Variants in NCBP2 observed in about 807,000 individuals in gnomAD.
NCBP2 encodes nuclear cap-binding protein subunit 2.
In NCBP2, 8 loss-of-function variants were observed where a neutral mutation model predicts 21.5. That is an observed-to-expected ratio of 0.37 (90% CI 0.22 to 0.67). The LOEUF is 0.67. Among genes scored for constraint, NCBP2 ranks in the 30% least tolerant of loss-of-function variants. The pLI is 0.56. For missense variants in NCBP2, 127 were observed against 206.9 expected (o/e 0.61, Z 2.37); for synonymous variants, 92 against 75.8 (o/e 1.21, Z -1.11).
At chr3:196,937,423 A>G (rs1716314977) in intron 3 of NCBP2, 87 bp downstream of exon 3, 3 of 1,555,764 alleles carry the variant, frequency 1.9e-6, no homozygotes, top group Admixed American at 3.7e-5. Flanking sequence ...AGTTATTTAC[A>G]AAAGAGTAAA....
chr3:196,942,222 T>C, intron 1 of NCBP2: 1 of 1,460,946 alleles, frequency 6.8e-7, no homozygotes, highest in Non-Finnish European at 9.0e-7. Context: ...GAGCCTCCAG[T>C]TCCCCGTCTT....
At chr3:196,941,558 G>A (rs1716567710) in intron 1 of NCBP2, 1 of 320,130 alleles carries the variant, frequency 3.1e-6, no homozygotes, top group Non-Finnish European at 5.8e-6. Context: ...CTCACTACAG[G>A]GGATTATGAG....
At chr3:196,940,780 G>C (rs988915659) in intron 1 of NCBP2, among the ~76,000 whole-genome samples, 2 of 152,224 alleles carry the variant, frequency 1.3e-5, no homozygotes, top group African/African-American at 4.8e-5. Context: ...ACTGTCTAAA[G>C]TAGTAACTAA....
At position 196,936,307 on chromosome 3, in the gene NCBP2, C is replaced by T. The variant is rs1716259314; in HGVS notation, c.*704G>A. 6.6e-6 allele frequency: 1 copy of T among 152,286 alleles called. No homozygotes were observed. 9.4% of individuals were successfully genotyped at this position (152,286 alleles called of 1,614,324 possible). A position where few individuals can be genotyped will look rare whatever the true frequency, so the allele number is the denominator to read the frequency against. ...TGTCCTGTGGAGATTGCTTTTGCAC[C>T]AACTACACAGGAAGGTCCTTGACCT... On this transcript the variant is annotated 3_prime_UTR_variant, in exon 4 of 4. Transcript: ENST00000321256.
At chr3:196,937,784 G>A in intron 2 of NCBP2, 136 bp from the exon 3 acceptor site, 3 of 1,058,032 alleles carry the variant, frequency 2.8e-6, no homozygotes, top group Non-Finnish European at 4.2e-6. Flanking sequence ...AATTCAGCTT[G>A]CCCAGGCCTG....
In NCBP2 at chr3:196,937,770, C is replaced by T. The variant is rs1262243790; in HGVS notation, c.261-122G>A. ...AATCCAACCAGATGGAGTTCAAAGA[C>T]AGTAATTCAGCTTGCCCAGGCCTGT... On this transcript the variant is annotated intron_variant, in intron 2 of 3. Coordinates refer to ENST00000321256, the MANE Select transcript of NCBP2 (RefSeq NM_007362.5). 5 of 1,247,010 alleles carry T rather than the reference C, an allele frequency of 4.0e-6. No individual in the cohort carries two copies. In the East Asian group the frequency reaches 7.1e-5, roughly 18 times the overall value. The allele number at this position is 1,247,010 out of a possible 1,614,324, so 77.2% of individuals were successfully genotyped here.
At chr3:196,941,446 C>T (rs1318866340) in intron 1 of NCBP2, 1 of 157,320 alleles carries the variant, frequency 6.4e-6, no homozygotes, top group Admixed American at 6.3e-5. Flanking sequence ...ATTTCCCTTT[C>T]CCTACTCTAG....
At chr3:196,942,097 C>T in intron 1 of NCBP2, 2 of 1,493,630 alleles carry the variant, frequency 1.3e-6, no homozygotes, top group South Asian at 1.3e-5. Flanking sequence ...CCCCTTGCTA[C>T]GTAGTCGTCT....
chr3:196,937,921 T>A lies in NCBP2; in HGVS notation c.261-273A>T, dbSNP rs1328411479. Reference sequence around the variant, plus strand: ...TCATCTCTGTATTTTGGTTTGCAAGTTTAGATCACTGTACACTTCTTATCC... The same window carrying A: ...TCATCTCTGTATTTTGGTTTGCAAGATTAGATCACTGTACACTTCTTATCC... On this transcript the variant is annotated intron_variant, in intron 2 of 3. Coordinates refer to ENST00000321256, the MANE Select transcript of NCBP2 (RefSeq NM_007362.5). The A allele has an allele frequency of 7.0e-6, 3 of 431,284 alleles. No individual in the cohort carries two copies. The Admixed American group carries it at 1.1e-4, about 15-fold the overall frequency. 26.7% of individuals were successfully genotyped at this position (431,284 alleles called of 1,614,324 possible).
At chr3:196,940,721 A>C (rs1057369027) in intron 1 of NCBP2, among the ~76,000 whole-genome samples, 1 of 152,276 alleles carries the variant, frequency 6.6e-6, no homozygotes, top group African/African-American at 2.4e-5. Flanking sequence ...AGAAGGTTCC[A>C]GTTTTCATCT....
In NCBP2 at chr3:196,938,972, A is replaced by G. The variant is rs141076739; in HGVS notation, c.260+279T>C. 2.0e-3 allele frequency: 693 copies of G among 351,952 alleles called. 11 individuals carry two copies. The East Asian group carries it at 0.032, about 16-fold the overall frequency. 21.8% of individuals were successfully genotyped at this position (351,952 alleles called of 1,614,324 possible). A position where few individuals can be genotyped will look rare whatever the true frequency, so the allele number is the denominator to read the frequency against. On this transcript the variant is annotated intron_variant, in intron 2 of 3. Transcript: ENST00000321256. ...AAGGGCATTAGGGGTTTAGAACAGT[A>G]CGAGATTTTTATATTTTCACTACAT...
intron 2 of NCBP2, chr3:196,938,471 C>T (rs771674399): frequency 6.6e-6 from 1 of 152,124 alleles, no homozygotes; most frequent in Non-Finnish European, 1.5e-5. Context: ...AATTGAATGA[C>T]CAAAACATAC....
intron 2 of NCBP2, 38 bp from the exon 3 acceptor site, chr3:196,937,686 T>C (rs976726367): frequency 1.9e-6 from 3 of 1,608,674 alleles, no homozygotes; most frequent in Admixed American, 1.7e-5. Context: ...TTCCAAACAT[T>C]TCTGGAAATA....
At chr3:196,940,992 A>C (rs1316383090) in intron 1 of NCBP2, 1 of 152,234 alleles carries the variant, frequency 6.6e-6, no homozygotes, top group East Asian at 1.9e-4. Flanking sequence ...GGGTAGGATC[A>C]CTTAGGCTCA....
In NCBP2 at chr3:196,937,215, C is replaced by T. The variant is rs887010834; in HGVS notation, c.400-133G>A. On this transcript the variant is annotated intron_variant, in intron 3 of 3. Coordinates refer to ENST00000321256, the MANE Select transcript of NCBP2 (RefSeq NM_007362.5). The stretch of plus-strand genomic sequence containing the variant: ...GTGAACATTTCAAGCAGGACATATG[C>T]ACTTCAGCTCACTTCAGTGCGTTTT... 3.4e-6 allele frequency: 3 copies of T among 874,332 alleles called. No individual in the cohort carries two copies. The African/African-American group carries it at 4.9e-5, about 14-fold the overall frequency. The allele number at this position is 874,332 out of a possible 1,614,324, so 54.2% of individuals were successfully genotyped here. A position where few individuals can be genotyped will look rare whatever the true frequency, so the allele number is the denominator to read the frequency against.
intron 2 of NCBP2, chr3:196,938,955 T>C (rs78037534): frequency 0.014 from 3,665 of 255,316 alleles, 125 homozygotes; most frequent in African/African-American, 0.065. Context: ...CAAAGGGCAT[T>C]AGGGGTTTAG....
At chr3:196,940,381 A>AG (rs1446302134) in intron 1 of NCBP2, among the ~76,000 whole-genome samples, 1 of 151,898 alleles carries the variant, frequency 6.6e-6, no homozygotes, top group East Asian at 2.0e-4. Context: ...TCAAAAAAAA[A>AG]AAGTCCACAG....
In NCBP2 at chr3:196,941,589, T is replaced by C. The variant is rs561011994; in HGVS notation, c.78+837A>G. The C allele has an allele frequency of 3.6e-5, 14 of 387,186 alleles. 1 individual carries two copies. Among genetic ancestry groups the C allele is most frequent in the African/African-American group, 2.1e-4 (10 of 48,750 alleles). 24.0% of individuals were successfully genotyped at this position (387,186 alleles called of 1,614,324 possible). On this transcript the variant is annotated intron_variant, in intron 1 of 3. Coordinates refer to ENST00000321256, the MANE Select transcript of NCBP2 (RefSeq NM_007362.5). Reference sequence around the variant, plus strand: ...ATGAGCTCGCAGAGCGCAGAAACTGTCTTCCCTCTCCCTCTAGGGTTTAGC... The same window carrying C: ...ATGAGCTCGCAGAGCGCAGAAACTGCCTTCCCTCTCCCTCTAGGGTTTAGC...
chr3:196,937,426 A>G, intron 3 of NCBP2, 84 bp downstream of exon 3: 1 of 1,557,544 alleles, frequency 6.4e-7, no homozygotes, highest in East Asian at 2.3e-5. Context: ...TATTTACAAA[A>G]GAGTAAATAC....
Sources: gnomAD v4.1 joint callset for allele counts (sites outside exome capture counted in the v4.1 genomes callset) on GRCh38, gnomAD v4.1.1 for gene constraint, MANE v1.5 for transcripts, NCBI Gene and HGNC (gene_info 2026-07-23, HGNC 2026-07-21) for gene names.